Variants in TG observed in about 807,000 individuals in gnomAD.
The protein encoded by TG is thyroid hormones.
In TG, 270 loss-of-function variants were observed where a neutral mutation model predicts 324.7. That is an observed-to-expected ratio of 0.83 (90% CI 0.75 to 0.92). The LOEUF (loss-of-function observed/expected upper bound fraction) is 0.92. Ranked by LOEUF, TG falls within the 40% of genes least tolerant of loss-of-function variation. TG has a pLI of 0.00. For synonymous variants in TG, 1,401 were observed against 1,327.0 expected (o/e 1.06, Z -1.21); for missense variants, 3,591 against 3,456.4 (o/e 1.04, Z -0.98).
intron 41 of TG, chr8:133,038,294 T>C: frequency 1.7e-6 from 1 of 573,828 alleles, no homozygotes; most frequent in Non-Finnish European, 3.1e-6. Context: ...GCCCGACATG[T>C]CATGATCCAA....
chr8:133,045,420 G>C (rs1328902448), intron 41 of TG, among the ~76,000 whole-genome samples: 1 of 132,126 alleles, frequency 7.6e-6, no homozygotes, highest in South Asian at 2.5e-4. Context: ...TTTGAGTCTG[G>C]GTCTTGCTCT....
intron 35 of TG, chr8:132,995,517 A>G (rs537893408): frequency 1.4e-4 from 136 of 985,222 alleles, no homozygotes; most frequent in Non-Finnish European, 1.6e-4. Context: ...CTTTGCTTAG[A>G]TCAGATTGGT....
At chr8:132,869,688 G>C (rs1839295507) in intron 2 of TG, 41 bp from the exon 3 acceptor site, 1 of 1,557,170 alleles carries the variant, frequency 6.4e-7, no homozygotes, top group African/African-American at 1.4e-5. Flanking sequence ...GTGGCTTTGG[G>C]GGCCCATCCC....
chr8:132,868,383 T>C, intron 2 of TG, 160 bp downstream of exon 2: 1 of 712,434 alleles, frequency 1.4e-6, no homozygotes, highest in Non-Finnish European at 2.5e-6. Flanking sequence ...TCCACTGTCA[T>C]TTGGAGGTGC....
chr8:133,055,389 A>C (rs1251583907), intron 41 of TG, among the ~76,000 whole-genome samples: 1 of 147,300 alleles, frequency 6.8e-6, no homozygotes, highest in Non-Finnish European at 1.5e-5. Context: ...ACACACACAC[A>C]CACACACACA....
intron 1 of TG, 47 bp from the exon 2 acceptor site, chr8:132,868,068 C>A: frequency 6.5e-7 from 1 of 1,546,378 alleles, no homozygotes; most frequent in Non-Finnish European, 8.9e-7. Flanking sequence ...TCTGTCCTGG[C>A]AGCCCAGTCC....
At chr8:133,042,147 T>C (rs149828634) in intron 41 of TG, among the ~76,000 whole-genome samples, 317 of 152,224 alleles carry the variant, frequency 2.1e-3, no homozygotes, top group Middle Eastern at 6.8e-3. Context: ...ATGAAGTAAC[T>C]TACTCAGGGC....
intron 10 of TG, among the ~76,000 whole-genome samples, chr8:132,890,835 G>T (rs1416267099): frequency 1.3e-5 from 2 of 152,208 alleles, no homozygotes; most frequent in African/African-American, 4.8e-5. Flanking sequence ...ACCCACACGG[G>T]TGATGGCTCA....
At chr8:132,879,520 T>C (rs1814342175) in intron 5 of TG, among the ~76,000 whole-genome samples, 1 of 152,268 alleles carries the variant, frequency 6.6e-6, no homozygotes, top group Non-Finnish European at 1.5e-5. Flanking sequence ...CTTGTGATTA[T>C]TTTATGAATA....
At chr8:132,903,988 T>G (rs148224645) in intron 16 of TG, among the ~76,000 whole-genome samples, 2,048 of 152,366 alleles carry the variant, frequency 0.013, 48 homozygotes, top group African/African-American at 0.048. Context: ...GGGGATGGAC[T>G]TGCTCAGATA....
At chr8:133,035,813 A>G (rs1293059713) in intron 41 of TG, among the ~76,000 whole-genome samples, 1 of 152,204 alleles carries the variant, frequency 6.6e-6, no homozygotes, top group Non-Finnish European at 1.5e-5. Context: ...TCAATAGACA[A>G]TACAATGCTG....
chr8:132,940,076 T>C (rs761677376), intron 25 of TG, among the ~76,000 whole-genome samples: 1 of 152,168 alleles, frequency 6.6e-6, no homozygotes, highest in Non-Finnish European at 1.5e-5. Flanking sequence ...ATCCAAGGAA[T>C]TAGGGACTTC....
intron 35 of TG, among the ~76,000 whole-genome samples, chr8:132,987,563 G>A (rs1831723246): frequency 6.6e-6 from 1 of 152,170 alleles, no homozygotes; most frequent in Admixed American, 6.5e-5. Context: ...AAATGACTGA[G>A]CTGGGATTTG....
At chr8:132,869,971 C>A (rs986757662) in intron 3 of TG, 145 bp downstream of exon 3, 8 of 686,922 alleles carry the variant, frequency 1.2e-5, no homozygotes, top group Non-Finnish European at 1.7e-5. Flanking sequence ...ATCATCCCTG[C>A]AAGCCATGGA....
In TG at chr8:132,872,435, G is replaced by A. The variant is rs186108162; in HGVS notation, c.479-627G>A. 9.8e-3 allele frequency among the ~76,000 whole-genome samples: 1,359 copies of A among 138,162 alleles called. 40 individuals carry two copies. Among genetic ancestry groups the A allele is most frequent in the East Asian group, 0.092 (429 of 4,654 alleles). The allele number at this position is 138,162 out of a possible 152,430, so 90.6% of individuals were successfully genotyped here. A position where few individuals can be genotyped will look rare whatever the true frequency, so the allele number is the denominator to read the frequency against. ...GGAGCTTGCAGTGAGCCAAGATCGC[G>A]CCACTGCACTCCAGCCTGGGCGGCA... is the stretch of plus-strand genomic sequence containing the variant. On this transcript the variant is annotated intron_variant, in intron 4 of 47. Transcript: ENST00000220616.
chr8:132,881,962 T>C lies in TG; in HGVS notation c.738T>C (p.Ala246=). 1 of 1,609,554 alleles carries C rather than the reference T, an allele frequency of 6.2e-7. No homozygotes were observed. Among genetic ancestry groups the C allele is most frequent in the South Asian group, 1.1e-5 (1 of 90,984 alleles). Residue 246 remains alanine, a synonymous_variant, in exon 6 of 48, where the codon GCT becomes GCC. Coordinates refer to ENST00000220616, the MANE Select transcript of TG (RefSeq NM_003235.5). ...HCADSQGREL[A]ETGLELLLDE... Reference sequence around the variant, plus strand: ...CTGACAGCCAAGGGCGGGAACTGGCTGAGACAGGTGAGTGATACCCCTCAG... The same window carrying C: ...CTGACAGCCAAGGGCGGGAACTGGCCGAGACAGGTGAGTGATACCCCTCAG...
intron 35 of TG, among the ~76,000 whole-genome samples, chr8:132,997,934 A>C (rs1318390356): frequency 1.3e-5 from 2 of 152,082 alleles, no homozygotes; most frequent in Non-Finnish European, 2.9e-5. Context: ...GAGATGAGAA[A>C]CTTTGGGTTA....
chr8:133,086,282 G>A (rs1276461481), intron 41 of TG, among the ~76,000 whole-genome samples: 1 of 152,200 alleles, frequency 6.6e-6, no homozygotes, highest in African/African-American at 2.4e-5. Context: ...ATTAGATGTG[G>A]TGATGATTGC....
In TG at chr8:132,983,010, G is replaced by A. The variant is rs759654178; in HGVS notation, c.6200-340G>A. On this transcript the variant is annotated intron_variant, in intron 34 of 47. Coordinates refer to ENST00000220616, the MANE Select transcript of TG (RefSeq NM_003235.5). ...AGACTGAAATAAATCTGCTGCATTCGCTTTGCCCTGCATGGCAATTATTGA... is the reference window on the plus strand; with the variant it reads ...AGACTGAAATAAATCTGCTGCATTCACTTTGCCCTGCATGGCAATTATTGA... Among the ~76,000 whole-genome samples, 6 of 152,250 alleles carry A rather than the reference G, an allele frequency of 3.9e-5. No individual in the cohort carries two copies. In the South Asian group the frequency reaches 8.3e-4, roughly 21 times the overall value.
Sources: gnomAD v4.1 joint callset for allele counts (sites outside exome capture counted in the v4.1 genomes callset) on GRCh38, gnomAD v4.1.1 for gene constraint, MANE v1.5 for transcripts, NCBI Gene and HGNC (gene_info 2026-07-23, HGNC 2026-07-21) for gene names.